Variants in GMDS observed in about 807,000 individuals in gnomAD.
GMDS encodes the protein GDP-mannose 4,6 dehydratase.
A neutral mutation model predicts 49.9 loss-of-function variants in GMDS; 20 were observed. That is an observed-to-expected ratio of 0.40 (90% CI 0.28 to 0.58). GMDS has a LOEUF of 0.58. Among genes scored for constraint, GMDS ranks in the 20% least tolerant of loss-of-function variants. The probability of loss-of-function intolerance (pLI) is 0.42; values close to 1 mark genes in which losing one functional copy is unlikely to be tolerated. For missense variants in GMDS, 362 were observed against 481.4 expected (o/e 0.75, Z 2.32); for synonymous variants, 177 against 178.6 (o/e 0.99, Z 0.07).
In GMDS at chr6:2,081,741, T is replaced by C. The variant is rs1001842392; in HGVS notation, c.345+34030A>G. On this transcript the variant is annotated intron_variant, in intron 4 of 10. Coordinates refer to ENST00000380815, the MANE Select transcript of GMDS (RefSeq NM_001500.4). Reference sequence around the variant, plus strand: ...TGATCTGGAGCCCTTCTCTCTGTTTTAGAGAATATTCACAATGAAAAATTC... The same window carrying C: ...TGATCTGGAGCCCTTCTCTCTGTTTCAGAGAATATTCACAATGAAAAATTC... Among the ~76,000 whole-genome samples the C allele has an allele frequency of 1.3e-5, 2 of 152,174 alleles. 1 individual carries two copies. The highest frequency in any genetic ancestry group is 4.8e-5 in the African/African-American group (2 of 41,432).
chr6:2,230,061 A>C lies in GMDS; in HGVS notation c.102+15260T>G, dbSNP rs116392330. 8.2e-3 allele frequency among the ~76,000 whole-genome samples: 1,123 copies of C among 137,128 alleles called. 17 individuals are homozygous for C. Among genetic ancestry groups the C allele is most frequent in the Admixed American group, 0.023 (328 of 14,258 alleles). The allele number at this position is 137,128 out of a possible 152,430, so 90.0% of individuals were successfully genotyped here. A position where few individuals can be genotyped will look rare whatever the true frequency, so the allele number is the denominator to read the frequency against. On this transcript the variant is annotated intron_variant, in intron 1 of 10. Transcript: ENST00000380815. ...TTGCGAGACTCCTCTGAAGACCCCT[A>C]TCCAGAGTCCACAGTTGCGAGACTC...
At chr6:2,004,362 C>A (rs1767025386) in intron 4 of GMDS, among the ~76,000 whole-genome samples, 1 of 152,204 alleles carries the variant, frequency 6.6e-6, no homozygotes, top group Admixed American at 6.5e-5. Flanking sequence ...TATCCCTCAC[C>A]ATGAAATAGC....
At chr6:1,974,424 C>A (rs1764782016) in intron 4 of GMDS, among the ~76,000 whole-genome samples, 1 of 152,074 alleles carries the variant, frequency 6.6e-6, no homozygotes, top group African/African-American at 2.4e-5. Flanking sequence ...TAAATAAGAA[C>A]AGCAACCAGA....
intron 9 of GMDS, among the ~76,000 whole-genome samples, chr6:1,677,274 G>C (rs1764655648): frequency 6.6e-6 from 1 of 152,272 alleles, no homozygotes; most frequent in South Asian, 2.1e-4. Flanking sequence ...AAAAAGTCAG[G>C]AAACAACAGG....
At chr6:1,961,767 G>A (rs1274387766) in intron 4 of GMDS, among the ~76,000 whole-genome samples, 6 of 152,190 alleles carry the variant, frequency 3.9e-5, no homozygotes, top group Non-Finnish European at 7.3e-5. Flanking sequence ...GGCTTCCCCT[G>A]CTGCCTCGTG....
intron 9 of GMDS, among the ~76,000 whole-genome samples, chr6:1,692,006 AC>A (rs1765189715): frequency 6.6e-6 from 1 of 151,710 alleles, no homozygotes; most frequent in Non-Finnish European, 1.5e-5. Context: ...AAGCAGACCC[AC>A]CCTCAGTCTG....
chr6:1,838,083 A>C (rs1257458892), intron 7 of GMDS, among the ~76,000 whole-genome samples: 1 of 152,226 alleles, frequency 6.6e-6, no homozygotes, highest in Non-Finnish European at 1.5e-5. Flanking sequence ...AACTTAAAGG[A>C]ATGTTCCATC....
chr6:1,718,582 G>A (rs914924425), intron 9 of GMDS, among the ~76,000 whole-genome samples: 6 of 152,078 alleles, frequency 3.9e-5, no homozygotes, highest in African/African-American at 1.4e-4. Context: ...CCCACCCCGG[G>A]CTGTCCCGGC....
At chr6:2,109,281 G>A (rs1379982100) in intron 4 of GMDS, among the ~76,000 whole-genome samples, 1 of 152,196 alleles carries the variant, frequency 6.6e-6, no homozygotes, top group Non-Finnish European at 1.5e-5. Flanking sequence ...AGGACTTGGG[G>A]TGGTGAGGGT....
intron 7 of GMDS, among the ~76,000 whole-genome samples, chr6:1,751,878 G>A (rs1337471490): frequency 6.6e-6 from 1 of 152,094 alleles, no homozygotes; most frequent in Non-Finnish European, 1.5e-5. Context: ...TCCATCCAAA[G>A]GTCACCAACA....
At chr6:1,824,640 C>T (rs1771035147) in intron 7 of GMDS, among the ~76,000 whole-genome samples, 1 of 152,156 alleles carries the variant, frequency 6.6e-6, no homozygotes, top group Admixed American at 6.5e-5. Flanking sequence ...CCCAGCTCCA[C>T]TAACATGAAC....
chr6:1,902,900 T>C (rs1299645820), intron 7 of GMDS, among the ~76,000 whole-genome samples: 2 of 152,294 alleles, frequency 1.3e-5, no homozygotes, highest in South Asian at 2.1e-4. Context: ...GGAAGTAACA[T>C]CTTCTGGGGA....
chr6:2,211,122 T>G (rs1466891215), intron 1 of GMDS, among the ~76,000 whole-genome samples: 1 of 152,182 alleles, frequency 6.6e-6, no homozygotes, highest in African/African-American at 2.4e-5. Flanking sequence ...TCTTCATAAA[T>G]TACCCAGTCT....
intron 4 of GMDS, among the ~76,000 whole-genome samples, chr6:2,004,375 C>T (rs1449909248): frequency 6.6e-6 from 1 of 152,082 alleles, no homozygotes; most frequent in Non-Finnish European, 1.5e-5. Flanking sequence ...GAAATAGCTA[C>T]CTATTACTAT....
chr6:1,773,284 T>C (rs888096061), intron 7 of GMDS, among the ~76,000 whole-genome samples: 2 of 152,174 alleles, frequency 1.3e-5, no homozygotes, highest in African/African-American at 4.8e-5. Context: ...TCTCAATAGT[T>C]ATGATATTCC....
chr6:2,112,693 G>C (rs1240299114), intron 4 of GMDS, among the ~76,000 whole-genome samples: 1 of 152,170 alleles, frequency 6.6e-6, no homozygotes, highest in East Asian at 1.9e-4. Context: ...CGCTGGCCAA[G>C]TTCTTCTGTC....
chr6:2,169,769 C>G (rs1239243831), intron 1 of GMDS, among the ~76,000 whole-genome samples: 1 of 152,178 alleles, frequency 6.6e-6, no homozygotes, highest in African/African-American at 2.4e-5. Flanking sequence ...ACTCCTACAG[C>G]AGAACACCAT....
chr6:1,747,943 GA>G (rs1025824241), intron 7 of GMDS, among the ~76,000 whole-genome samples: 176 of 150,348 alleles, frequency 1.2e-3, no homozygotes, highest in African/African-American at 4.1e-3. Flanking sequence ...TTACTGAACA[GA>G]AAAAAAAAGA....
rs182492322 is a variant in GMDS at position 1,795,045 on chromosome 6, C to A, written c.772-52459G>T. Reference sequence around the variant, plus strand: ...TCTCTACAAAACAAAAACAAAAACACAAAAATTAGCCAGGCATGGTGGCGC... The same window carrying A: ...TCTCTACAAAACAAAAACAAAAACAAAAAAATTAGCCAGGCATGGTGGCGC... On this transcript the variant is annotated intron_variant, in intron 7 of 10. Transcript: ENST00000380815. 9.3e-3 allele frequency among the ~76,000 whole-genome samples: 1,410 copies of A among 152,076 alleles called. 22 individuals are homozygous for A. The highest frequency in any genetic ancestry group is 0.032 in the African/African-American group (1,314 of 41,480).
Sources: allele counts gnomAD v4.1 joint callset (sites outside exome capture counted in the v4.1 genomes callset), GRCh38; gene constraint gnomAD v4.1.1; transcripts MANE v1.5; gene names NCBI Gene and HGNC (gene_info 2026-07-23, HGNC 2026-07-21).